Variants in SUPT3H observed in about 807,000 individuals in gnomAD.
SUPT3H encodes the protein SPT3 homolog, SAGA and STAGA complex component, also known as transcription initiation protein SPT3 homolog.
SUPT3H carries 44 observed loss-of-function variants against 44.3 expected under a neutral mutation model. The ratio of observed to expected loss-of-function variants is 0.99; its 90% CI spans 0.78 to 1.28. The LOEUF (loss-of-function observed/expected upper bound fraction) is 1.28, where lower values mean the gene tolerates loss of function less well. Ranked by LOEUF, SUPT3H falls within the 50% of genes most tolerant of loss-of-function variation. The probability of loss-of-function intolerance (pLI) is 0.00; values close to 1 mark genes in which losing one functional copy is unlikely to be tolerated. For synonymous variants in SUPT3H, 124 were observed against 125.6 expected (o/e 0.99, Z 0.09); for missense variants, 380 against 387.1 (o/e 0.98, Z 0.15).
chr6:44,935,721 G>C (rs776747262), intron 9 of SUPT3H, among the ~76,000 whole-genome samples: 1 of 152,270 alleles, frequency 6.6e-6, no homozygotes, highest in South Asian at 2.1e-4. Context: ...ATAGCATATG[G>C]AGTTCTACAT....
chr6:45,375,693 G>A (rs1446035103), intron 1 of SUPT3H, among the ~76,000 whole-genome samples: 1 of 152,094 alleles, frequency 6.6e-6, no homozygotes, highest in Non-Finnish European at 1.5e-5. Flanking sequence ...ACAAGCATGA[G>A]CCAACGTGCC....
chr6:45,320,234 G>C, intron 2 of SUPT3H, among the ~76,000 whole-genome samples: 1 of 151,962 alleles, frequency 6.6e-6, no homozygotes, highest in East Asian at 1.9e-4. Context: ...TTCTATAAGA[G>C]GAGTGGACAA....
At chr6:44,814,629 T>C (rs1447709981) in intron 11 of SUPT3H, among the ~76,000 whole-genome samples, 1 of 152,202 alleles carries the variant, frequency 6.6e-6, no homozygotes, top group African/African-American at 2.4e-5. Context: ...TCTTGGCATC[T>C]TCCCAGTTTG....
At chr6:45,374,575 TTAAG>T (rs1160560944) in intron 1 of SUPT3H, among the ~76,000 whole-genome samples, 1 of 152,232 alleles carries the variant, frequency 6.6e-6, no homozygotes, top group Non-Finnish European at 1.5e-5. Flanking sequence ...TTATTTTTCA[TTAAG>T]TAAACTGTAA....
chr6:45,157,555 G>A (rs959324220), intron 2 of SUPT3H, among the ~76,000 whole-genome samples: 1 of 151,186 alleles, frequency 6.6e-6, no homozygotes, highest in Non-Finnish European at 1.5e-5. Context: ...ATATACATAT[G>A]TATTTCTTTT....
At chr6:45,300,797 T>C (rs1454388931) in intron 2 of SUPT3H, among the ~76,000 whole-genome samples, 1 of 146,528 alleles carries the variant, frequency 6.8e-6, no homozygotes, top group Admixed American at 7.0e-5. Flanking sequence ...CTGGGGAAAG[T>C]GGGGGTGGGT....
Position 45,211,852 on chromosome 6 carries a change from A to T in SUPT3H, c.102-105846T>A, listed in dbSNP as rs75120561. On this transcript the variant is annotated intron_variant, in intron 2 of 10. Transcript: ENST00000371459. ...GACACAGCAAGACTCCGTCTCAACT[A>T]AAAAAAAAAAAAGAGAGAGAGAATT... is the stretch of plus-strand genomic sequence containing the variant. Among the ~76,000 whole-genome samples the T allele has an allele frequency of 3.1e-3, 353 of 115,196 alleles. 1 individual carries two copies. Among genetic ancestry groups the T allele is most frequent in the South Asian group, 3.5e-3 (12 of 3,426 alleles). The allele number at this position is 115,196 out of a possible 152,430, so 75.6% of individuals were successfully genotyped here.
intron 11 of SUPT3H, among the ~76,000 whole-genome samples, chr6:44,821,034 A>T (rs1767271520): frequency 6.6e-6 from 1 of 152,010 alleles, no homozygotes; most frequent in Non-Finnish European, 1.5e-5. Context: ...AATTTTTTGT[A>T]GAGGCAGGGT....
intron 2 of SUPT3H, among the ~76,000 whole-genome samples, chr6:45,276,385 T>C (rs764245315): frequency 2.6e-5 from 4 of 152,054 alleles, no homozygotes; most frequent in Non-Finnish European, 5.9e-5. Context: ...AATCAAATAC[T>C]ATATAAAGAA....
At chr6:45,252,876 T>C (rs1772627709) in intron 2 of SUPT3H, among the ~76,000 whole-genome samples, 1 of 152,076 alleles carries the variant, frequency 6.6e-6, no homozygotes. Context: ...GAAAAAAGCA[T>C]TCCTATGGAT....
At chr6:45,022,586 T>C (rs1785319351) in intron 3 of SUPT3H, among the ~76,000 whole-genome samples, 1 of 152,192 alleles carries the variant, frequency 6.6e-6, no homozygotes, top group Non-Finnish European at 1.5e-5. Context: ...AGGACTAGCA[T>C]TGGTACCACT....
intron 9 of SUPT3H, among the ~76,000 whole-genome samples, chr6:44,949,544 A>T (rs1433991700): frequency 2.6e-5 from 4 of 152,138 alleles, no homozygotes; most frequent in Admixed American, 6.5e-5. Flanking sequence ...TGTGTTTGAT[A>T]CAGGACTGTT....
intron 2 of SUPT3H, among the ~76,000 whole-genome samples, chr6:45,256,114 T>A (rs541030072): frequency 6.6e-6 from 1 of 152,250 alleles, no homozygotes; most frequent in Non-Finnish European, 1.5e-5. Context: ...GGGCTTCCAG[T>A]GAGCCGAGTT....
intron 6 of SUPT3H, among the ~76,000 whole-genome samples, chr6:44,975,445 T>C (rs1186542821): frequency 6.6e-6 from 1 of 152,058 alleles, no homozygotes; most frequent in Non-Finnish European, 1.5e-5. Context: ...CTGGATGGAG[T>C]TGGAGATCAT....
intron 2 of SUPT3H, among the ~76,000 whole-genome samples, chr6:45,117,259 T>C (rs1380993593): frequency 6.6e-6 from 1 of 152,136 alleles, no homozygotes; most frequent in Non-Finnish European, 1.5e-5. Flanking sequence ...CTTTGTGGGC[T>C]GGGAAGAGTT....
intron 10 of SUPT3H, among the ~76,000 whole-genome samples, chr6:44,921,428 A>G (rs555281901): frequency 1.3e-5 from 2 of 152,254 alleles, no homozygotes; most frequent in African/African-American, 4.8e-5. Flanking sequence ...ACCATTTGCA[A>G]GCTGGTTGTG....
chr6:45,048,221 CTTTTTTTTTTTTT>C (rs67557043), intron 3 of SUPT3H, among the ~76,000 whole-genome samples: 20 of 88,224 alleles, frequency 2.3e-4, no homozygotes, highest in East Asian at 1.5e-3. Flanking sequence ...TCTCTCTACT[CTTTTTTTTTTTTT>C]TTTTTTTTTT....
At chr6:44,979,743 C>T (rs551951934) in intron 6 of SUPT3H, among the ~76,000 whole-genome samples, 8 of 152,056 alleles carry the variant, frequency 5.3e-5, no homozygotes, top group South Asian at 2.1e-4. Context: ...TATGAACTTA[C>T]GAGTTCATTT....
At position 45,204,899 on chromosome 6, in the gene SUPT3H, A is replaced by C. The variant is rs548475145; in HGVS notation, c.102-98893T>G. ...ATTCTCACTATTGTCAGTTTAAAAC[A>C]GATTCAGACCCTTCTTATTCCTGAA... On this transcript the variant is annotated intron_variant, in intron 2 of 10. Coordinates refer to ENST00000371459, the MANE Select transcript of SUPT3H (RefSeq NM_003599.4). 6.2e-4 allele frequency among the ~76,000 whole-genome samples: 95 copies of C among 152,328 alleles called. 1 individual carries two copies. In the South Asian group the frequency reaches 0.019, roughly 30 times the overall value.
Sources: gnomAD v4.1 joint callset for allele counts (sites outside exome capture counted in the v4.1 genomes callset) on GRCh38, gnomAD v4.1.1 for gene constraint, MANE v1.5 for transcripts, NCBI Gene and HGNC (gene_info 2026-07-23, HGNC 2026-07-21) for gene names.